KCNQ3: variants seen among roughly 807,000 people sequenced by gnomAD.
The protein encoded by KCNQ3 is potassium voltage-gated channel subfamily KQT member 3.
Under a neutral mutation model 92.5 loss-of-function variants are expected in KCNQ3, and 30 were observed. The ratio of observed to expected loss-of-function variants is 0.32; its 90% confidence interval spans 0.24 to 0.44. The LOEUF is 0.44. Ranked by LOEUF, KCNQ3 falls within the 20% of genes least tolerant of loss-of-function variation. The probability of loss-of-function intolerance (pLI) is 1.00; values close to 1 mark genes in which losing one functional copy is unlikely to be tolerated. For synonymous variants in KCNQ3, 450 were observed against 468.8 expected (o/e 0.96, Z 0.52); for missense variants, 913 against 1,140.3 (o/e 0.80, Z 2.87).
chr8:132,480,332 C>T lies in KCNQ3; in HGVS notation c.201G>A (p.Leu67=). ...LGAGADKDGT[L]LLEGGGRDEG... is the part of the protein sequence containing the mutation. ...CGTCGCGGCCGCCGCCCTCCAGCAG[C>T]AGGGTCCCGTCTTTGTCGGCTCCGG... The change falls in exon 1 of 15, where the codon CTG becomes CTA. Residue 67 remains leucine, a synonymous_variant. Transcript: ENST00000388996. The T allele has an allele frequency of 6.2e-7, 1 of 1,600,846 alleles. No homozygotes were observed. Among genetic ancestry groups the T allele is most frequent in the South Asian group, 1.1e-5 (1 of 89,542 alleles).
chr8:132,474,085 C>T (rs1822352006), intron 1 of KCNQ3, among the ~76,000 whole-genome samples: 1 of 152,136 alleles, frequency 6.6e-6, no homozygotes, highest in African/African-American at 2.4e-5. Flanking sequence ...TATCCAGTGC[C>T]AAATGAGATG....
intron 1 of KCNQ3, among the ~76,000 whole-genome samples, chr8:132,392,652 T>C (rs999243898): frequency 6.6e-6 from 1 of 151,966 alleles, no homozygotes; most frequent in Non-Finnish European, 1.5e-5. Flanking sequence ...TTTTTTTTAA[T>C]TAGCTGGGCA....
At position 132,174,499 on chromosome 8, in the gene KCNQ3, C is replaced by T. The variant is rs546314856; in HGVS notation, c.934-150G>A. 7 of 696,108 alleles carry T rather than the reference C, an allele frequency of 1.0e-5. No homozygotes were observed. The African/African-American group carries it at 1.2e-4, about 12-fold the overall frequency. The allele number at this position is 696,108 out of a possible 1,614,324, so 43.1% of individuals were successfully genotyped here. ...CCTTAGGAGAAAAGACACCAAGTAC[C>T]TACTAACTTATATGGATGCCTTGAG... is the stretch of plus-strand genomic sequence containing the variant. On this transcript the variant is annotated intron_variant, in intron 5 of 14. Transcript: ENST00000388996.
chr8:132,304,769 T>A (rs766795282), intron 1 of KCNQ3, among the ~76,000 whole-genome samples: 17 of 152,116 alleles, frequency 1.1e-4, no homozygotes, highest in Admixed American at 2.6e-4. Flanking sequence ...TTGCATATTG[T>A]TTAGTATATA....
At chr8:132,381,712 T>C (rs1819755594) in intron 1 of KCNQ3, among the ~76,000 whole-genome samples, 1 of 152,210 alleles carries the variant, frequency 6.6e-6, no homozygotes, top group South Asian at 2.1e-4. Context: ...GCTGACATTC[T>C]AGTGATGGAT....
chr8:132,390,830 A>G (rs1257609234), intron 1 of KCNQ3, among the ~76,000 whole-genome samples: 2 of 152,228 alleles, frequency 1.3e-5, no homozygotes, highest in East Asian at 3.8e-4. Flanking sequence ...TTATAATAAT[A>G]AAGTAGCAAT....
chr8:132,235,150 T>G (rs1458348336), intron 1 of KCNQ3, among the ~76,000 whole-genome samples: 1 of 152,126 alleles, frequency 6.6e-6, no homozygotes, highest in East Asian at 1.9e-4. Context: ...CACATCACAG[T>G]GCATCTGGAA....
At chr8:132,201,642 C>T (rs558624603) in intron 1 of KCNQ3, among the ~76,000 whole-genome samples, 2 of 152,280 alleles carry the variant, frequency 1.3e-5, no homozygotes, top group South Asian at 2.1e-4. Flanking sequence ...ATAATCTTTC[C>T]CTCCATATGC....
intron 1 of KCNQ3, among the ~76,000 whole-genome samples, chr8:132,389,311 G>C (rs1021396204): frequency 6.6e-6 from 1 of 152,164 alleles, no homozygotes; most frequent in Non-Finnish European, 1.5e-5. Flanking sequence ...ACAAAAATTA[G>C]CTGGGCGTGG....
chr8:132,121,545 T>C lies in KCNQ3; in HGVS notation c.*7717A>G, dbSNP rs917341484. ...GGGAACTGCCCCCTCCTTGGAAAAG[T>C]ATTCAGAGGGGTATAGAAGGGCCCA... On this transcript the variant is annotated 3_prime_UTR_variant, in exon 15 of 15. Coordinates refer to ENST00000388996, the MANE Select transcript of KCNQ3 (RefSeq NM_004519.4). The C allele has an allele frequency of 2.6e-5, 4 of 152,164 alleles. No individual in the cohort carries two copies. The highest frequency in any genetic ancestry group is 9.7e-5 in the African/African-American group (4 of 41,432). The allele number at this position is 152,164 out of a possible 1,614,324, so 9.4% of individuals were successfully genotyped here.
At chr8:132,350,702 GGTCA>G (rs1055647717) in intron 1 of KCNQ3, among the ~76,000 whole-genome samples, 3 of 152,124 alleles carry the variant, frequency 2.0e-5, no homozygotes, top group African/African-American at 7.2e-5. Flanking sequence ...CATCTAGGGT[GGTCA>G]GTCAGCATTC....
intron 9 of KCNQ3, among the ~76,000 whole-genome samples, chr8:132,162,178 T>G (rs770013422): frequency 8.5e-5 from 13 of 152,230 alleles, no homozygotes; most frequent in Non-Finnish European, 1.8e-4. Context: ...AAAATGCATC[T>G]ATCTGAGCCC....
intron 1 of KCNQ3, among the ~76,000 whole-genome samples, chr8:132,186,933 T>TGAGAGAGAGA (rs1206881344): frequency 2.8e-4 from 30 of 106,546 alleles, no homozygotes; most frequent in African/African-American, 1.1e-3. Flanking sequence ...TGTGTGTGTG[T>TGAGAGAGAGA]GAGAGAGAGA....
chr8:132,434,140 G>A (rs1348359142), intron 1 of KCNQ3, among the ~76,000 whole-genome samples: 3 of 149,452 alleles, frequency 2.0e-5, no homozygotes, highest in African/African-American at 4.9e-5. Flanking sequence ...CCCGGGAGGC[G>A]GAGCTTGCAG....
chr8:132,136,708 T>G (rs111422241), intron 12 of KCNQ3, among the ~76,000 whole-genome samples: 4 of 152,214 alleles, frequency 2.6e-5, no homozygotes, highest in African/African-American at 9.6e-5. Flanking sequence ...TAAACATACA[T>G]ATGCACTATA....
chr8:132,312,903 T>A (rs1344114628), intron 1 of KCNQ3, among the ~76,000 whole-genome samples: 3 of 152,212 alleles, frequency 2.0e-5, no homozygotes, highest in African/African-American at 2.4e-5. Context: ...TATAGCAGTG[T>A]GAGAATGGAC....
At chr8:132,211,952 C>CAAAAAAAA (rs200457183) in intron 1 of KCNQ3, among the ~76,000 whole-genome samples, 1 of 62,688 alleles carries the variant, frequency 1.6e-5, no homozygotes. Flanking sequence ...GACTCCATCT[C>CAAAAAAAA]AAAAAAAAAA....
intron 9 of KCNQ3, among the ~76,000 whole-genome samples, chr8:132,157,989 T>G (rs779078907): frequency 6.6e-6 from 1 of 152,146 alleles, no homozygotes; most frequent in South Asian, 2.1e-4. Flanking sequence ...GGTTCATAAT[T>G]CAGAGGGGAA....
At chr8:132,450,793 T>C (rs1821802544) in intron 1 of KCNQ3, among the ~76,000 whole-genome samples, 1 of 152,158 alleles carries the variant, frequency 6.6e-6, no homozygotes, top group Non-Finnish European at 1.5e-5. Context: ...CAGCTTTCCC[T>C]CCTTTCCTCA....
Sources: allele counts gnomAD v4.1 joint callset (sites outside exome capture counted in the v4.1 genomes callset), GRCh38; gene constraint gnomAD v4.1.1; transcripts MANE v1.5; gene names NCBI Gene and HGNC (gene_info 2026-07-23, HGNC 2026-07-21).